The following ZNF536 variants were observed in gnomAD, a reference collection of about 807,000 sequenced individuals.
ZNF536 encodes the protein zinc finger protein 536.
Under a neutral mutation model 84.5 loss-of-function variants are expected in ZNF536, and 13 were observed. The ratio of observed to expected loss-of-function variants is 0.15; its 90% confidence interval spans 0.10 to 0.24. The LOEUF is 0.24. Among genes scored for constraint, ZNF536 ranks in the 10% least tolerant of loss-of-function variants. The pLI, the probability that ZNF536 is intolerant of heterozygous loss-of-function variation, is 1.00. For missense variants in ZNF536, 1,536 were observed against 1,747.5 expected (o/e 0.88, Z 2.16); for synonymous variants, 811 against 742.5 (o/e 1.09, Z -1.50).
At chr19:30,361,640 T>C (rs2048278220) in intron 3 of ZNF536, among the ~76,000 whole-genome samples, 1 of 152,156 alleles carries the variant, frequency 6.6e-6, no homozygotes, top group Admixed American at 6.5e-5. Flanking sequence ...TGCCAGCTGT[T>C]GGTGCAGAGA....
downstream of ZNF536, among the ~76,000 whole-genome samples, chr19:30,562,355 C>T (rs2046201425): frequency 6.6e-6 from 1 of 152,134 alleles, no homozygotes; most frequent in South Asian, 2.1e-4. Flanking sequence ...TCTGCCATTC[C>T]AGTGCACGGG....
intron 1 of ZNF536, among the ~76,000 whole-genome samples, chr19:30,703,682 G>T (rs1412519737): frequency 1.3e-5 from 2 of 152,188 alleles, no homozygotes; most frequent in East Asian, 3.9e-4. Context: ...TTTCGATGAA[G>T]AACCAGGCAG....
At chr19:30,401,252 G>T (rs746734480) in intron 1 of ZNF536, among the ~76,000 whole-genome samples, 20 of 152,086 alleles carry the variant, frequency 1.3e-4, no homozygotes, top group Non-Finnish European at 8.8e-5. Context: ...TTTACGAGAT[G>T]GAGTCTCACT....
intron 2 of ZNF536, among the ~76,000 whole-genome samples, chr19:30,349,864 T>G (rs1034357231): frequency 2.0e-5 from 3 of 152,144 alleles, no homozygotes; most frequent in Non-Finnish European, 4.4e-5. Flanking sequence ...CAGAAAGTGA[T>G]ATCGCATCTT....
chr19:30,289,846 T>C (rs556799800), intron 2 of ZNF536, among the ~76,000 whole-genome samples: 10 of 152,334 alleles, frequency 6.6e-5, no homozygotes, highest in African/African-American at 2.4e-4. Context: ...TTTTTTGTTT[T>C]ACATTTAAAA....
chr19:30,347,136 G>T (rs1276380869), intron 2 of ZNF536, among the ~76,000 whole-genome samples: 1 of 147,452 alleles, frequency 6.8e-6, no homozygotes, highest in Admixed American at 6.8e-5. Context: ...ATTCTTGGCC[G>T]CATGTATGCC....
intron 2 of ZNF536, among the ~76,000 whole-genome samples, chr19:30,310,662 T>C (rs1313667859): frequency 3.9e-5 from 6 of 152,146 alleles, no homozygotes; most frequent in Admixed American, 1.3e-4. Context: ...TAAGAGGAAA[T>C]TTACTGCTCT....
chr19:30,368,691 G>A (rs1372398595), upstream of ZNF536, among the ~76,000 whole-genome samples: 1 of 152,258 alleles, frequency 6.6e-6, no homozygotes, highest in Non-Finnish European at 1.5e-5. Context: ...CAAGTTATGA[G>A]TTGGTGGAAT....
At chr19:30,347,725 A>G (rs1318950001) in intron 2 of ZNF536, among the ~76,000 whole-genome samples, 2 of 152,240 alleles carry the variant, frequency 1.3e-5, no homozygotes, top group Admixed American at 6.5e-5. Flanking sequence ...AGAAACACCC[A>G]GAACGAATCC....
At chr19:30,460,837 C>T (rs1313586554) in intron 2 of ZNF536, among the ~76,000 whole-genome samples, 1 of 152,102 alleles carries the variant, frequency 6.6e-6, no homozygotes, top group Non-Finnish European at 1.5e-5. Flanking sequence ...GTGGTTAGCT[C>T]AGGGATTGCG....
At chr19:30,470,323 T>TTAATATCACTGTGGTAC (rs2053580710) in intron 2 of ZNF536, among the ~76,000 whole-genome samples, 1 of 152,208 alleles carries the variant, frequency 6.6e-6, no homozygotes, top group Non-Finnish European at 1.5e-5. Context: ...TCCCCTGTTG[T>TTAATATCACTGTGGTAC]TAATATCACT....
At chr19:30,597,268 C>G (rs905055700) in intron 1 of ZNF536, among the ~76,000 whole-genome samples, 1 of 152,218 alleles carries the variant, frequency 6.6e-6, no homozygotes, top group African/African-American at 2.4e-5. Context: ...TAGGTCTACT[C>G]TCCTCAAGTT....
chr19:30,569,556 G>GTTTTT (rs1193738249), intron 1 of ZNF536, among the ~76,000 whole-genome samples: 3 of 80,434 alleles, frequency 3.7e-5, no homozygotes, highest in African/African-American at 1.5e-4. Flanking sequence ...CCAGATAAAC[G>GTTTTT]TTCTTTTTTT....
chr19:30,458,588 G>A (rs1303581723), intron 2 of ZNF536, among the ~76,000 whole-genome samples: 1 of 151,740 alleles, frequency 6.6e-6, no homozygotes, highest in Non-Finnish European at 1.5e-5. Flanking sequence ...GAGTAGCTGG[G>A]ATTACAGGCA....
At chr19:30,353,600 G>A (rs2048004304) in intron 3 of ZNF536, among the ~76,000 whole-genome samples, 1 of 152,094 alleles carries the variant, frequency 6.6e-6, no homozygotes, top group Non-Finnish European at 1.5e-5. Flanking sequence ...CAGGCTTCCG[G>A]GCCCCGGGCT....
rs547772066 is a variant in ZNF536 at position 30,623,357 on chromosome 19, A to G, written c.169+73843A>G. ...TCTGAGTGATTCTCTTAAATGTTGC[A>G]TTAGACCTTGTCACTGCTATGCTCA... On this transcript the variant is annotated intron_variant, in intron 1 of 1. Coordinates refer to the ZNF536 transcript ENST00000592773. Among the ~76,000 whole-genome samples, 6 of 152,320 alleles carry G rather than the reference A, an allele frequency of 3.9e-5. 1 individual carries two copies. The South Asian group carries it at 1.2e-3, about 32-fold the overall frequency.
chr19:30,383,816 CTTTCTTTCTTTCTCCTTCTTTCCT>C (rs1241075501), intron 1 of ZNF536, among the ~76,000 whole-genome samples: 1 of 141,944 alleles, frequency 7.0e-6, no homozygotes, highest in African/African-American at 2.7e-5. Context: ...TTCTTTCTCT[CTTTCTTTCTTTCTCCTTCTTTCCT>C]TCCTTCCTTC....
At chr19:30,705,113 G>A (rs1306481413) in intron 1 of ZNF536, among the ~76,000 whole-genome samples, 1 of 152,122 alleles carries the variant, frequency 6.6e-6, no homozygotes, top group African/African-American at 2.4e-5. Context: ...ACAGCTTTCT[G>A]TTTGGGAATA....
intron 1 of ZNF536, among the ~76,000 whole-genome samples, chr19:30,617,648 C>T (rs1189570905): frequency 6.6e-6 from 1 of 151,972 alleles, no homozygotes; most frequent in Admixed American, 6.5e-5. Flanking sequence ...CCACACCTGG[C>T]CTGAATAGCT....
Sources: allele counts gnomAD v4.1 joint callset (sites outside exome capture counted in the v4.1 genomes callset), GRCh38; gene constraint gnomAD v4.1.1; transcripts MANE v1.5; gene names NCBI Gene and HGNC (gene_info 2026-07-23, HGNC 2026-07-21).